The following GATAD2A variants were observed in gnomAD, a reference collection of about 807,000 sequenced individuals.
GATAD2A encodes the protein GATA zinc finger domain containing 2A.
A neutral mutation model predicts 68.5 loss-of-function variants in GATAD2A; 12 were observed. The observed-to-expected ratio is 0.18, with a 90% CI of 0.11 to 0.28. The LOEUF (loss-of-function observed/expected upper bound fraction) is 0.28. Ranked by LOEUF, GATAD2A falls within the 10% of genes least tolerant of loss-of-function variation. The pLI is 1.00. For missense variants in GATAD2A, 755 were observed against 868.5 expected (o/e 0.87, Z 1.64); for synonymous variants, 410 against 375.3 (o/e 1.09, Z -1.07).
At chr19:19,422,966 C>T (rs550215602) in intron 1 of GATAD2A, among the ~76,000 whole-genome samples, 70 of 152,256 alleles carry the variant, frequency 4.6e-4, no homozygotes, top group African/African-American at 1.6e-3. Flanking sequence ...CCGCCTCGGC[C>T]TCCTGAAGTG....
At chr19:19,486,376 C>G (rs1465998342) in intron 2 of GATAD2A, among the ~76,000 whole-genome samples, 1 of 152,228 alleles carries the variant, frequency 6.6e-6, no homozygotes, top group South Asian at 2.1e-4. Context: ...AAAAGAAAAT[C>G]ACTCCTGCAT....
In GATAD2A at chr19:19,505,726, T is replaced by A. The variant is rs1181337261; in HGVS notation, c.*252T>A. On this transcript the variant is annotated 3_prime_UTR_variant, in exon 12 of 12. Transcript: ENST00000683918. ...GACCTTTCCCGTGGGCTTTCTTCCT[T>A]TCTCTCTTTGCCTTTAGTTTGCCCG... The A allele has an allele frequency of 4.2e-6, 2 of 471,236 alleles. No individual in the cohort carries two copies. The highest frequency in any genetic ancestry group is 7.4e-6 in the Non-Finnish European group (2 of 269,992). 29.2% of individuals were successfully genotyped at this position (471,236 alleles called of 1,614,324 possible). A position where few individuals can be genotyped will look rare whatever the true frequency, so the allele number is the denominator to read the frequency against.
In GATAD2A at chr19:19,492,612, T is replaced by G. The variant is rs753857179; in HGVS notation, c.434T>G (p.Ile145Ser). The G allele has an allele frequency of 6.2e-7, 1 of 1,614,188 alleles. No individual in the cohort carries two copies. Among genetic ancestry groups the G allele is most frequent in the Admixed American group, 1.7e-5 (1 of 60,024 alleles). ...KSSPEERERM[I>S]KQLKEELRLE... is the part of the protein sequence containing the mutation. The stretch of plus-strand genomic sequence containing the variant: ...AGTCCTGAAGAACGAGAAAGGATGA[T>G]CAAGCAGCTGAAGGAAGAATTGAGG... Residue 145 changes from isoleucine (I) to serine (S), a missense_variant, in exon 4 of 12, where the codon ATC becomes AGC. Physicochemically the swap from Ile to Ser is moderately radical, Grantham distance 142 (BLOSUM62 -2). Transcript: ENST00000683918.
At chr19:19,502,591 G>T in intron 11 of GATAD2A, 65 bp downstream of exon 11, 1 of 1,272,098 alleles carries the variant, frequency 7.9e-7, no homozygotes, top group Non-Finnish European at 1.1e-6. Flanking sequence ...TTCCTTAACC[G>T]AAACAGAGGC....
At chr19:19,491,751 AGGTT>A (rs971480566) in intron 2 of GATAD2A, among the ~76,000 whole-genome samples, 3 of 152,228 alleles carry the variant, frequency 2.0e-5, no homozygotes, top group African/African-American at 7.2e-5. Context: ...TTCTGGGGAC[AGGTT>A]GGCTGCCAGG....
At chr19:19,433,757 C>T (rs976143508) in intron 1 of GATAD2A, among the ~76,000 whole-genome samples, 5 of 152,164 alleles carry the variant, frequency 3.3e-5, no homozygotes, top group Non-Finnish European at 5.9e-5. Flanking sequence ...TCATTTATTA[C>T]TGCAAGGAGT....
chr19:19,492,010 A>G (rs924349139), intron 2 of GATAD2A, among the ~76,000 whole-genome samples: 4 of 152,156 alleles, frequency 2.6e-5, no homozygotes, highest in Non-Finnish European at 4.4e-5. Context: ...ATGTTTTCCA[A>G]AGTCACCATG....
chr19:19,408,278 C>A (rs948786468), intron 1 of GATAD2A, among the ~76,000 whole-genome samples: 1 of 152,204 alleles, frequency 6.6e-6, no homozygotes, highest in Admixed American at 6.5e-5. Flanking sequence ...AGCCACCACG[C>A]CTGGCGGATG....
chr19:19,463,847 C>CGGCCT (rs1341165127), intron 1 of GATAD2A, among the ~76,000 whole-genome samples: 4 of 152,330 alleles, frequency 2.6e-5, no homozygotes, highest in African/African-American at 9.6e-5. Context: ...CGCATGTAGA[C>CGGCCT]GGCCTGCTTT....
At chr19:19,449,625 A>G (rs942572648) in intron 1 of GATAD2A, among the ~76,000 whole-genome samples, 2 of 151,008 alleles carry the variant, frequency 1.3e-5, no homozygotes, top group African/African-American at 4.9e-5. Flanking sequence ...CAGCCTGGGC[A>G]ACATGGTTGA....
At chr19:19,414,065 A>G (rs1372199129) in intron 1 of GATAD2A, among the ~76,000 whole-genome samples, 1 of 151,336 alleles carries the variant, frequency 6.6e-6, no homozygotes, top group Admixed American at 6.6e-5. Context: ...AAGTCTGGGG[A>G]GGGGGTGGGA....
At chr19:19,398,770 CA>C (rs2049465928) in intron 1 of GATAD2A, among the ~76,000 whole-genome samples, 1 of 151,104 alleles carries the variant, frequency 6.6e-6, no homozygotes, top group African/African-American at 2.4e-5. Flanking sequence ...TACTAAAATA[CA>C]AAAATTAGGC....
chr19:19,457,612 G>T (rs968622359), intron 1 of GATAD2A, among the ~76,000 whole-genome samples: 20 of 152,044 alleles, frequency 1.3e-4, no homozygotes, highest in African/African-American at 4.8e-4. Context: ...GTGGTGATGG[G>T]CGCCTGTAGT....
intron 1 of GATAD2A, among the ~76,000 whole-genome samples, chr19:19,424,928 A>G (rs1000692575): frequency 6.6e-6 from 1 of 151,914 alleles, no homozygotes. Flanking sequence ...ATCCTGGGCA[A>G]CATAGTGAGA....
chr19:19,465,096 G>C (rs1280488832), intron 1 of GATAD2A: 1 of 579,222 alleles, frequency 1.7e-6, no homozygotes, highest in Non-Finnish European at 3.1e-6. Context: ...GCAGGGTGTA[G>C]TTTGGCTCCA....
intron 1 of GATAD2A, among the ~76,000 whole-genome samples, chr19:19,398,444 G>T (rs1028835121): frequency 2.6e-5 from 4 of 151,714 alleles, no homozygotes; most frequent in Non-Finnish European, 5.9e-5. Flanking sequence ...CAGGCGATCC[G>T]CTTGCCTCGG....
chr19:19,448,665 T>A (rs999746939), intron 1 of GATAD2A, among the ~76,000 whole-genome samples: 1 of 152,158 alleles, frequency 6.6e-6, no homozygotes, highest in African/African-American at 2.4e-5. Context: ...TTTTTAAATT[T>A]TTTTTGTAGA....
intron 1 of GATAD2A, among the ~76,000 whole-genome samples, chr19:19,396,368 T>G (rs1051768790): frequency 1.3e-5 from 2 of 152,210 alleles, no homozygotes; most frequent in Admixed American, 6.5e-5. Flanking sequence ...CACCTGAGGT[T>G]GGACAACAAT....
intron 1 of GATAD2A, among the ~76,000 whole-genome samples, chr19:19,410,212 C>T (rs570538150): frequency 4.8e-4 from 73 of 152,146 alleles, no homozygotes; most frequent in African/African-American, 1.7e-3. Flanking sequence ...TATGGAAGGG[C>T]TGAAGACCTG....
Sources: gnomAD v4.1 joint callset for allele counts (sites outside exome capture counted in the v4.1 genomes callset) on GRCh38, gnomAD v4.1.1 for gene constraint, MANE v1.5 for transcripts, NCBI Gene and HGNC (gene_info 2026-07-23, HGNC 2026-07-21) for gene names.